Variants in PTPRK observed in about 807,000 individuals in gnomAD.
The protein encoded by PTPRK is protein tyrosine phosphatase receptor type K, also known as receptor-type tyrosine-protein phosphatase kappa.
PTPRK carries 75 observed loss-of-function variants against 178.0 expected under a neutral mutation model. The ratio of observed to expected loss-of-function variants is 0.42; its 90% CI spans 0.35 to 0.51. The LOEUF (loss-of-function observed/expected upper bound fraction) is 0.51. Among genes scored for constraint, PTPRK ranks in the 20% least tolerant of loss-of-function variants. The pLI is 0.02. For missense variants in PTPRK, 1,441 were observed against 1,797.8 expected, an observed-to-expected ratio of 0.80 and a Z score of 3.59; for synonymous variants, 637 against 620.6, an observed-to-expected ratio of 1.03 and a Z score of -0.39.
intron 11 of PTPRK, among the ~76,000 whole-genome samples, chr6:128,073,370 T>C (rs186922956): frequency 6.6e-6 from 1 of 152,132 alleles, no homozygotes; most frequent in African/African-American, 2.4e-5. Flanking sequence ...TAGAGAAAGA[T>C]AAAGCAGGCT....
At chr6:128,238,321 G>A in intron 5 of PTPRK, 1 of 336,714 alleles carries the variant, frequency 3.0e-6, no homozygotes, top group Non-Finnish European at 5.6e-6. Context: ...AAACCATCAT[G>A]AAATGGACTA....
chr6:128,513,275 A>C (rs1261249646), intron 1 of PTPRK, among the ~76,000 whole-genome samples: 32 of 152,228 alleles, frequency 2.1e-4, no homozygotes, highest in Admixed American at 2.1e-3. Flanking sequence ...ACTTCAGCTC[A>C]GGAGTTCGTG....
chr6:128,063,439 C>G (rs1158793150), intron 13 of PTPRK: 1 of 152,128 alleles, frequency 6.6e-6, no homozygotes, highest in Non-Finnish European at 1.5e-5. Flanking sequence ...GCTACCATTT[C>G]TCAGTTACAG....
rs577140756 is a variant in PTPRK at position 128,430,940 on chromosome 6, C to CT, written c.101-33253dup. Among the ~76,000 whole-genome samples the CT allele has an allele frequency of 7.4e-3, 1,016 of 136,930 alleles. 8 individuals are homozygous for CT. Among genetic ancestry groups the CT allele is most frequent in the South Asian group, 0.034 (145 of 4,268 alleles). 89.8% of individuals were successfully genotyped at this position (136,930 alleles called of 152,430 possible). A position where few individuals can be genotyped will look rare whatever the true frequency, so the allele number is the denominator to read the frequency against. On this transcript the variant is annotated intron_variant, in intron 1 of 29. Coordinates refer to ENST00000368226, the MANE Select transcript of PTPRK (RefSeq NM_002844.4). ...TCAACGTGTGATTTTTAATTTTTTT[C>CT]TTTTTTTTTTTTTTTTGAGATGGAG...
chr6:128,368,465 T>G (rs972163920), intron 2 of PTPRK, among the ~76,000 whole-genome samples: 1 of 152,066 alleles, frequency 6.6e-6, no homozygotes, highest in African/African-American at 2.4e-5. Context: ...ACTGGTTGCT[T>G]CCTCTGACTA....
At chr6:128,077,097 A>G (rs1393946494) in intron 11 of PTPRK, among the ~76,000 whole-genome samples, 1 of 152,048 alleles carries the variant, frequency 6.6e-6, no homozygotes, top group Non-Finnish European at 1.5e-5. Flanking sequence ...CAAATATCTA[A>G]CTCTTAAAAG....
intron 2 of PTPRK, among the ~76,000 whole-genome samples, chr6:128,379,549 C>G (rs1837580038): frequency 6.6e-6 from 1 of 152,184 alleles, no homozygotes; most frequent in African/African-American, 2.4e-5. Context: ...AAAGAGAGGA[C>G]AATCTGTCCA....
At chr6:128,169,152 T>C (rs1799841239) in intron 7 of PTPRK, among the ~76,000 whole-genome samples, 2 of 152,232 alleles carry the variant, frequency 1.3e-5, no homozygotes, top group South Asian at 2.1e-4. Context: ...ATGAAGACTA[T>C]AGTTAATAAT....
At position 128,240,146 on chromosome 6, in the gene PTPRK, T is replaced by C. The variant is rs749842471; in HGVS notation, c.582A>G (p.Lys194=). 7.7e-5 allele frequency: 124 copies of C among 1,606,926 alleles called. 2 individuals carry two copies. In the South Asian group the frequency reaches 9.2e-4, roughly 12 times the overall value. Residue 194 remains lysine (K), a synonymous_variant, in exon 5 of 30, where the codon AAA becomes AAG. Coordinates refer to ENST00000368226, the MANE Select transcript of PTPRK (RefSeq NM_002844.4). ...CCCCTAGACGGAGGAAATGAGGAGATTTATCTGTGAAGGAAGGGAAAAAAA... is the reference window on the plus strand; with the variant it reads ...CCCCTAGACGGAGGAAATGAGGAGACTTATCTGTGAAGGAAGGGAAAAAAA... ...DIQVLSYPCD[K]SPHFLRLGDV...
chr6:128,089,559 A>T, intron 8 of PTPRK, 131 bp downstream of exon 8: 1 of 1,007,002 alleles, frequency 9.9e-7, no homozygotes, highest in Non-Finnish European at 1.4e-6. Flanking sequence ...TTCCAAAGTT[A>T]ATCTCATTAA....
chr6:128,208,320 C>T (rs1011732021), intron 6 of PTPRK, among the ~76,000 whole-genome samples: 1 of 150,038 alleles, frequency 6.7e-6, no homozygotes, highest in African/African-American at 2.5e-5. Context: ...AAAAAAATTC[C>T]CTCTCCCAAC....
rs574715800 is a variant in PTPRK, at chr6:127,975,781, G to A, written c.3969+876C>T. Among the ~76,000 whole-genome samples the A allele has an allele frequency of 5.9e-5, 9 of 152,100 alleles. No homozygotes were observed. The South Asian group carries it at 1.9e-3, about 32-fold the overall frequency. On this transcript the variant is annotated intron_variant, in intron 27 of 29. Transcript: ENST00000368226. ...CTGCCTCCCGGGTTCAAATGATTCT[G>A]CTGCCTCAGCCTCCCCACTAGCTGG... is the stretch of plus-strand genomic sequence containing the variant.
intron 1 of PTPRK, among the ~76,000 whole-genome samples, chr6:128,411,285 A>G (rs1362489992): frequency 1.3e-5 from 2 of 152,210 alleles, no homozygotes; most frequent in African/African-American, 4.8e-5. Context: ...AAGCTCTCCA[A>G]AAACTCAGGG....
intron 2 of PTPRK, among the ~76,000 whole-genome samples, chr6:128,362,328 G>A (rs1395084114): frequency 6.6e-6 from 1 of 152,038 alleles, no homozygotes; most frequent in African/African-American, 2.4e-5. Context: ...CCCTTCATGA[G>A]AGATCTGTCT....
intron 13 of PTPRK, among the ~76,000 whole-genome samples, chr6:128,010,044 T>C (rs1028596618): frequency 6.6e-6 from 1 of 151,276 alleles, no homozygotes. Flanking sequence ...TCTGAGGACA[T>C]TTTCCTTTTA....
intron 3 of PTPRK, among the ~76,000 whole-genome samples, chr6:128,272,512 G>GA (rs562749478): frequency 1.4e-3 from 220 of 152,226 alleles, no homozygotes; most frequent in African/African-American, 5.1e-3. Context: ...AAATTTACAA[G>GA]AAAAAATCAA....
intron 1 of PTPRK, among the ~76,000 whole-genome samples, chr6:128,503,825 A>G (rs1230448515): frequency 7.0e-6 from 1 of 143,106 alleles, no homozygotes; most frequent in Non-Finnish European, 1.5e-5. Context: ...AGCATGCACC[A>G]CTATGCCTGG....
intron 1 of PTPRK, among the ~76,000 whole-genome samples, chr6:128,418,149 T>C (rs935977268): frequency 6.6e-6 from 1 of 152,224 alleles, no homozygotes; most frequent in Non-Finnish European, 1.5e-5. Flanking sequence ...CCATCTAAAA[T>C]CCATTAGGTG....
rs141104669 is a variant in PTPRK, at chr6:128,067,765, C to T, written c.1911G>A (p.Leu637=). 1,565 of 1,607,590 alleles carry T rather than the reference C, an allele frequency of 9.7e-4. 1 individual carries two copies. The highest frequency in any genetic ancestry group is 1.3e-3 in the Non-Finnish European group (1,497 of 1,176,460). Residue 637 remains leucine, a synonymous_variant, in exon 12 of 30, where the codon CTG becomes CTA. Coordinates refer to ENST00000368226, the MANE Select transcript of PTPRK (RefSeq NM_002844.4). ...CTTCTCTCTTGGTTCGGTGTGGGTG[C>T]AGTTCTTCCACAACAATCTGATAAG... ...ISAYQIVVEE[L]HPHRTKREAG...
Sources: gnomAD v4.1 joint callset for allele counts (sites outside exome capture counted in the v4.1 genomes callset) on GRCh38, gnomAD v4.1.1 for gene constraint, MANE v1.5 for transcripts, NCBI Gene and HGNC (gene_info 2026-07-23, HGNC 2026-07-21) for gene names.